Variants in DMXL2 observed in about 807,000 individuals in gnomAD.
DMXL2 encodes Dmx like 2, also known as dmX-like protein 2.
A neutral mutation model predicts 331.1 loss-of-function variants in DMXL2; 103 were observed. The observed-to-expected ratio is 0.31, with a 90% CI of 0.27 to 0.37. DMXL2 has a LOEUF of 0.37. DMXL2 is among the 10% of genes least tolerant of loss of function. The pLI, the probability that DMXL2 is intolerant of heterozygous loss-of-function variation, is 1.00. For missense variants in DMXL2, 3,171 were observed against 3,642.9 expected (o/e 0.87, Z 3.33); for synonymous variants, 1,281 against 1,252.1 (o/e 1.02, Z -0.49).
chr15:51,605,517 CTTTTTTTTTTTTTTTTT>C lies in DMXL2; in HGVS notation c.87+16925_87+16941del, dbSNP rs58113467. ...GGCCCAGCCCATACAGATTAATATT[CTTTTTTTTTTTTTTTTT>C]TTTTTTTTTTTTTTTTTTTTGAGAC... On this transcript the variant is annotated intron_variant, in intron 1 of 43. Coordinates refer to ENST00000560891, the MANE Select transcript of DMXL2 (RefSeq NM_001378457.1). 2.1e-3 allele frequency among the ~76,000 whole-genome samples: 46 copies of C among 22,220 alleles called. 2 individuals carry two copies. Among genetic ancestry groups the C allele is most frequent in the African/African-American group, 4.2e-3 (39 of 9,234 alleles). The allele number at this position is 22,220 out of a possible 152,430, so 14.6% of individuals were successfully genotyped here.
intron 1 of DMXL2, among the ~76,000 whole-genome samples, chr15:51,606,894 C>G (rs1282807221): frequency 6.6e-6 from 1 of 152,224 alleles, no homozygotes; most frequent in Non-Finnish European, 1.5e-5. Flanking sequence ...CAAGGTGGCT[C>G]AGGCCTGTAA....
rs533855155 is a variant in DMXL2 at position 51,448,479 on chromosome 15, C to G, written c.*505G>C. 1 of 161,460 alleles carries G rather than the reference C, an allele frequency of 6.2e-6. No individual in the cohort carries two copies. The highest frequency in any genetic ancestry group is 5.8e-5 in the Admixed American group (1 of 17,372). The allele number at this position is 161,460 out of a possible 1,614,324, so 10.0% of individuals were successfully genotyped here. On this transcript the variant is annotated 3_prime_UTR_variant, in exon 44 of 44. Coordinates refer to ENST00000560891, the MANE Select transcript of DMXL2 (RefSeq NM_001378457.1). ...GCAGGAAAGAATGGAAACGGCCTCT[C>G]ACAGCAGAGAACTGGTCACTGCGCA...
At position 51,450,117 on chromosome 15, in the gene DMXL2, G is replaced by A. The variant is rs749723855; in HGVS notation, c.8967+12C>T. 1.9e-6 allele frequency: 3 copies of A among 1,611,660 alleles called. No individual in the cohort carries two copies. The highest frequency in any genetic ancestry group is 2.5e-6 in the Non-Finnish European group (3 of 1,178,380). On this transcript the variant is annotated intron_variant, in intron 43 of 43. Coordinates refer to ENST00000560891, the MANE Select transcript of DMXL2 (RefSeq NM_001378457.1). Reference sequence around the variant, plus strand: ...AGTCTTTAGCACATTCCAACCTCTTGTACTGACTCACCTTTATGTTACCTT... The same window carrying A: ...AGTCTTTAGCACATTCCAACCTCTTATACTGACTCACCTTTATGTTACCTT...
chr15:51,606,261 G>T (rs2053579177), intron 1 of DMXL2, among the ~76,000 whole-genome samples: 1 of 152,182 alleles, frequency 6.6e-6, no homozygotes, highest in Non-Finnish European at 1.5e-5. Context: ...AGGCTGGAGT[G>T]CAGTGGCGCG....
Position 51,481,027 on chromosome 15 carries a change from C to A in DMXL2, c.6079G>T (p.Asp2027Tyr), listed in dbSNP as rs745431289. ...PNMLLTPQEE[D>Y]DPEGDTEVDV... ...ACTTCAGTATCACCTTCAGGATCATCCTCTTCCTGAGGTGTTAATAACATG... is the reference window on the plus strand; with the variant it reads ...ACTTCAGTATCACCTTCAGGATCATACTCTTCCTGAGGTGTTAATAACATG... Residue 2027 changes from aspartate to tyrosine, a missense_variant, in exon 24 of 44, where the codon GAT becomes TAT. Coordinates refer to ENST00000560891, the MANE Select transcript of DMXL2 (RefSeq NM_001378457.1). The A allele has an allele frequency of 1.2e-6, 2 of 1,614,010 alleles. No homozygotes were observed. Among genetic ancestry groups the A allele is most frequent in the Non-Finnish European group, 1.7e-6 (2 of 1,180,016 alleles).
chr15:51,540,051 A>G (rs2048503006), intron 9 of DMXL2, among the ~76,000 whole-genome samples: 1 of 152,356 alleles, frequency 6.6e-6, no homozygotes, highest in African/African-American at 2.4e-5. Context: ...AGGATTTGTG[A>G]ATTAGCAATC....
chr15:51,492,511 G>T (rs1004888649), intron 19 of DMXL2, among the ~76,000 whole-genome samples: 10 of 151,888 alleles, frequency 6.6e-5, no homozygotes, highest in Admixed American at 5.3e-4. Context: ...TTTTTTACCT[G>T]GGAGAAGACT....
chr15:51,462,906 T>C (rs1441602575), intron 33 of DMXL2, among the ~76,000 whole-genome samples: 1 of 152,252 alleles, frequency 6.6e-6, no homozygotes, highest in Non-Finnish European at 1.5e-5. Flanking sequence ...GCAATCTTCC[T>C]TCATCTTGTA....
intron 15 of DMXL2, among the ~76,000 whole-genome samples, chr15:51,511,935 C>T (rs2140611291): frequency 6.6e-6 from 1 of 152,208 alleles, no homozygotes; most frequent in South Asian, 2.1e-4. Context: ...CAAACTAACA[C>T]AGGAACAGAA....
chr15:51,536,490 G>A lies in DMXL2; in HGVS notation c.1990C>T (p.Leu664=). 2.5e-6 allele frequency: 4 copies of A among 1,614,018 alleles called. No homozygotes were observed. Among genetic ancestry groups the A allele is most frequent in the Non-Finnish European group, 3.4e-6 (4 of 1,179,970 alleles). ...NDLACHSVLP[L]LLTSSHHNAL... ...TTATGATGAGAGGATGTCAATAACA[G>A]TGGTAAAACTGAATGACATGCCAGG... The change falls in exon 12 of 44, where the codon CTG becomes TTG. Residue 664 remains leucine (L), a synonymous_variant. Coordinates refer to ENST00000560891, the MANE Select transcript of DMXL2 (RefSeq NM_001378457.1).
chr15:51,514,609 C>T (rs2046930821), intron 14 of DMXL2, 50 bp from the exon 15 acceptor site: 3 of 1,081,982 alleles, frequency 2.8e-6, no homozygotes, highest in Non-Finnish European at 4.1e-6. Context: ...AATTCCCTGT[C>T]TCCCATCTCC....
intron 27 of DMXL2, among the ~76,000 whole-genome samples, chr15:51,475,192 C>A (rs980525774): frequency 6.6e-6 from 1 of 151,948 alleles, no homozygotes; most frequent in Non-Finnish European, 1.5e-5. Context: ...CTGAATCCAA[C>A]ATTAAGAAAA....
At position 51,622,580 on chromosome 15, in the gene DMXL2, G is replaced by T. The variant is rs769928520; in HGVS notation, c.-35C>A. ...CCGGGCTGGACAGAATGCGCGGGAG[G>T]TGCGACAAGCTCCGCGCCTGACCCT... On this transcript the variant is annotated 5_prime_UTR_variant, in exon 1 of 44. Transcript: ENST00000560891. The T allele has an allele frequency of 2.1e-5, 32 of 1,537,968 alleles. No individual in the cohort carries two copies. In the South Asian group the frequency reaches 3.8e-4, roughly 18 times the overall value.
intron 19 of DMXL2, 75 bp from the exon 20 acceptor site, chr15:51,491,822 C>T (rs2042823321): frequency 2.4e-6 from 3 of 1,230,562 alleles, no homozygotes; most frequent in Non-Finnish European, 3.3e-6. Context: ...CATGCAGTCA[C>T]ATACGCATTC....
At chr15:51,543,962 CATAAGT>C (rs1172057775) in intron 8 of DMXL2, among the ~76,000 whole-genome samples, 3 of 152,108 alleles carry the variant, frequency 2.0e-5, no homozygotes, top group Non-Finnish European at 2.9e-5. Context: ...AAACACGTTA[CATAAGT>C]ATAAGTAAGT....
intron 7 of DMXL2, among the ~76,000 whole-genome samples, chr15:51,546,388 T>C (rs1032683169): frequency 6.6e-6 from 1 of 152,170 alleles, no homozygotes; most frequent in South Asian, 2.1e-4. Context: ...TAGATGCAGA[T>C]GACTTAAGCA....
intron 13 of DMXL2, among the ~76,000 whole-genome samples, chr15:51,519,744 G>T (rs1309912559): frequency 6.8e-6 from 1 of 146,488 alleles, no homozygotes; most frequent in Non-Finnish European, 1.5e-5. Flanking sequence ...CCGAGTTCAA[G>T]TGATTCTCCT....
intron 15 of DMXL2, among the ~76,000 whole-genome samples, chr15:51,510,141 C>T (rs997281755): frequency 1.3e-5 from 2 of 152,102 alleles, no homozygotes; most frequent in Non-Finnish European, 2.9e-5. Flanking sequence ...CTTTGAAAAG[C>T]AGCACAAGAC....
At chr15:51,520,520 C>T (rs1028544028) in intron 13 of DMXL2, among the ~76,000 whole-genome samples, 8 of 152,046 alleles carry the variant, frequency 5.3e-5, no homozygotes, top group South Asian at 2.1e-4. Flanking sequence ...GTCTTTCTTG[C>T]GTATGCCACC....
Sources: allele counts gnomAD v4.1 joint callset (sites outside exome capture counted in the v4.1 genomes callset), GRCh38; gene constraint gnomAD v4.1.1; transcripts MANE v1.5; gene names NCBI Gene and HGNC (gene_info 2026-07-23, HGNC 2026-07-21).